The following NPAS3 variants were observed in gnomAD, a reference collection of about 807,000 sequenced individuals.
The protein encoded by NPAS3 is neuronal PAS domain-containing protein 3.
NPAS3 carries 14 observed loss-of-function variants against 73.1 expected under a neutral mutation model. The observed-to-expected ratio is 0.19, with a 90% CI of 0.13 to 0.30. NPAS3 has a LOEUF of 0.30. Ranked by LOEUF, NPAS3 falls within the 10% of genes least tolerant of loss-of-function variation. NPAS3 has a pLI of 1.00. For synonymous variants in NPAS3, 620 were observed against 541.5 expected (o/e 1.14, Z -2.01); for missense variants, 1,096 against 1,250.0 (o/e 0.88, Z 1.86).
chr14:33,792,998 G>C (rs1352014076), intron 9 of NPAS3, among the ~76,000 whole-genome samples: 1 of 152,204 alleles, frequency 6.6e-6, no homozygotes, highest in Non-Finnish European at 1.5e-5. Context: ...TATTTCAGGG[G>C]ATGATTTACT....
chr14:33,326,203 C>T, intron 3 of NPAS3, among the ~76,000 whole-genome samples: 1 of 151,922 alleles, frequency 6.6e-6, no homozygotes, highest in East Asian at 1.9e-4. Flanking sequence ...AGACAGGGCT[C>T]ATCCATGTAG....
At chr14:33,418,522 A>G (rs2048245980) in intron 4 of NPAS3, among the ~76,000 whole-genome samples, 2 of 152,002 alleles carry the variant, frequency 1.3e-5, no homozygotes. Flanking sequence ...ACTTTTTACA[A>G]ACATTTTCTT....
At chr14:33,576,396 C>T (rs1332124715) in intron 5 of NPAS3, among the ~76,000 whole-genome samples, 2 of 152,132 alleles carry the variant, frequency 1.3e-5, no homozygotes, top group Non-Finnish European at 2.9e-5. Flanking sequence ...TGGTGTCTGT[C>T]GCCTTGAGCT....
intron 4 of NPAS3, among the ~76,000 whole-genome samples, chr14:33,544,825 A>ATATATATATATATTATATATATATAAT: frequency 8.9e-6 from 1 of 112,188 alleles, no homozygotes; most frequent in East Asian, 2.4e-4. Flanking sequence ...TATATAATAT[A>ATATATATATATATTATATATATATAAT]TATGTGTATA....
intron 6 of NPAS3, among the ~76,000 whole-genome samples, chr14:33,701,312 A>G (rs2060517614): frequency 6.6e-6 from 1 of 152,240 alleles, no homozygotes; most frequent in Non-Finnish European, 1.5e-5. Context: ...TTGCCTGATC[A>G]TTGATCTCAT....
intron 4 of NPAS3, among the ~76,000 whole-genome samples, chr14:33,427,058 A>G (rs2048583270): frequency 6.6e-6 from 1 of 152,106 alleles, no homozygotes; most frequent in South Asian, 2.1e-4. Flanking sequence ...TATGTATAAT[A>G]TAAGATAGAA....
chr14:32,974,554 T>C (rs2037572383), intron 1 of NPAS3, among the ~76,000 whole-genome samples: 1 of 152,222 alleles, frequency 6.6e-6, no homozygotes, highest in African/African-American at 2.4e-5. Context: ...TTAGTTATTT[T>C]TTTTTCAAAT....
intron 4 of NPAS3, among the ~76,000 whole-genome samples, chr14:33,399,626 C>A (rs2047366331): frequency 6.6e-6 from 1 of 151,358 alleles, no homozygotes; most frequent in African/African-American, 2.4e-5. Flanking sequence ...ACAATATTGT[C>A]CTGAACCCTT....
At chr14:33,637,482 A>C (rs1374798494) in intron 5 of NPAS3, among the ~76,000 whole-genome samples, 4 of 152,184 alleles carry the variant, frequency 2.6e-5, no homozygotes, top group Non-Finnish European at 5.9e-5. Flanking sequence ...TAAGCTTATA[A>C]AGCACTACTT....
At chr14:33,727,503 A>G (rs1228221683) in intron 6 of NPAS3, among the ~76,000 whole-genome samples, 1 of 152,128 alleles carries the variant, frequency 6.6e-6, no homozygotes, top group African/African-American at 2.4e-5. Flanking sequence ...AATAGAAAAC[A>G]TGGGGTTTCG....
At chr14:33,529,360 G>GCTATTTATT (rs1212877586) in intron 4 of NPAS3, among the ~76,000 whole-genome samples, 1 of 152,058 alleles carries the variant, frequency 6.6e-6, no homozygotes, top group Non-Finnish European at 1.5e-5. Context: ...TGCCTCAGGG[G>GCTATTTATT]TATTTTAGAC....
chr14:33,064,190 T>G (rs1415493366), intron 2 of NPAS3, among the ~76,000 whole-genome samples: 1 of 152,182 alleles, frequency 6.6e-6, no homozygotes, highest in Non-Finnish European at 1.5e-5. Context: ...ATAATTTTCC[T>G]TATGAAAAAT....
chr14:33,801,112 C>T (rs759575155), downstream of NPAS3: 2 of 1,574,340 alleles, frequency 1.3e-6, no homozygotes, highest in South Asian at 1.2e-5. Flanking sequence ...AGGACTGAGG[C>T]GCCGCCCGTC....
chr14:33,536,079 G>A (rs1193837973), intron 4 of NPAS3, among the ~76,000 whole-genome samples: 1 of 152,126 alleles, frequency 6.6e-6, no homozygotes, highest in East Asian at 1.9e-4. Context: ...ACCCCTACTA[G>A]TGCTAATAAG....
intron 5 of NPAS3, among the ~76,000 whole-genome samples, chr14:33,648,095 T>C (rs987613672): frequency 2.0e-5 from 3 of 152,118 alleles, no homozygotes; most frequent in African/African-American, 7.2e-5. Context: ...AAGAAAGGCT[T>C]AGAACTCTGT....
intron 1 of NPAS3, among the ~76,000 whole-genome samples, chr14:33,050,493 C>T (rs2040665524): frequency 6.6e-6 from 1 of 152,178 alleles, no homozygotes; most frequent in South Asian, 2.1e-4. Flanking sequence ...TCTCCGAATT[C>T]TGCTCCATCT....
chr14:33,270,385 G>T (rs1015084721), intron 3 of NPAS3, among the ~76,000 whole-genome samples: 1 of 152,152 alleles, frequency 6.6e-6, no homozygotes, highest in Admixed American at 6.5e-5. Context: ...TGAGAGAATA[G>T]AAGAGGAAAG....
At chr14:33,301,600 A>G (rs2042551354) in intron 3 of NPAS3, among the ~76,000 whole-genome samples, 4 of 151,938 alleles carry the variant, frequency 2.6e-5, no homozygotes. Flanking sequence ...TGACATTTGG[A>G]TTTGAATTTA....
At chr14:33,699,876 A>AG (rs1491585810) in intron 6 of NPAS3, among the ~76,000 whole-genome samples, 2 of 152,164 alleles carry the variant, frequency 1.3e-5, no homozygotes, top group Non-Finnish European at 1.5e-5. Context: ...TCCAAATAAC[A>AG]GGGGGGAAAG....
Sources: allele counts gnomAD v4.1 joint callset (sites outside exome capture counted in the v4.1 genomes callset), GRCh38; gene constraint gnomAD v4.1.1; transcripts MANE v1.5; gene names NCBI Gene and HGNC (gene_info 2026-07-23, HGNC 2026-07-21).